Variants in TNFRSF10D observed in about 807,000 individuals in gnomAD.
TNFRSF10D encodes the protein tumor necrosis factor receptor superfamily member 10D.
In TNFRSF10D, 28 loss-of-function variants were observed where a neutral mutation model predicts 42.1. That is an observed-to-expected ratio of 0.66 (90% CI 0.49 to 0.91). The LOEUF (loss-of-function observed/expected upper bound fraction) is 0.91. TNFRSF10D is among the 40% of genes least tolerant of loss of function. TNFRSF10D has a pLI of 0.00. For synonymous variants in TNFRSF10D, 186 were observed against 189.4 expected, an observed-to-expected ratio of 0.98 and a Z score of 0.15; for missense variants, 503 against 486.1, an observed-to-expected ratio of 1.03 and a Z score of -0.33.
chr8:23,148,292 T>A (rs1196534008), intron 3 of TNFRSF10D, 146 bp downstream of exon 3: 2 of 356,068 alleles, frequency 5.6e-6, no homozygotes, highest in Non-Finnish European at 5.3e-6. Flanking sequence ...TTTTTTTTTT[T>A]AATCAACTAG....
chr8:23,144,363 G>GA lies in TNFRSF10D; in HGVS notation c.954+86dup, dbSNP rs1800078166. 4.1e-6 allele frequency: 6 copies of GA among 1,472,522 alleles called. No individual in the cohort carries two copies. In the East Asian group the frequency reaches 1.4e-4, roughly 34 times the overall value. The allele number at this position is 1,472,522 out of a possible 1,614,324, so 91.2% of individuals were successfully genotyped here. On this transcript the variant is annotated intron_variant, in intron 7 of 8. Transcript: ENST00000312584. ...AAGGCTCCATGTCCCCTTGGGCCAG[G>GA]AAAGAGGAGGCACTGCCATGTCCCA...
chr8:23,160,236 C>T (rs1291616465), intron 1 of TNFRSF10D, among the ~76,000 whole-genome samples: 2 of 152,178 alleles, frequency 1.3e-5, no homozygotes, highest in East Asian at 3.9e-4. Flanking sequence ...CAATAAAGAG[C>T]TCATTGTCTA....
intron 2 of TNFRSF10D, among the ~76,000 whole-genome samples, chr8:23,150,529 A>C (rs865845241): frequency 4.6e-5 from 7 of 152,260 alleles, no homozygotes; most frequent in South Asian, 2.1e-4. Flanking sequence ...CCAAAGAAAC[A>C]AAATGAAGCA....
Position 23,135,733 on chromosome 8 carries a change from T to A in TNFRSF10D, c.*2137A>T. ...CCAAAAAACCCCAACAATTTCATGTTGTCAGGAAGCTTATGTTAAAGGAAT... is the reference window on the plus strand; with the variant it reads ...CCAAAAAACCCCAACAATTTCATGTAGTCAGGAAGCTTATGTTAAAGGAAT... On this transcript the variant is annotated 3_prime_UTR_variant, in exon 9 of 9. Coordinates refer to ENST00000312584, the MANE Select transcript of TNFRSF10D (RefSeq NM_003840.5). 3.3e-6 allele frequency: 1 copy of A among 298,634 alleles called. No homozygotes were observed. The highest frequency in any genetic ancestry group is 6.7e-6 in the Non-Finnish European group (1 of 149,716). The allele number at this position is 298,634 out of a possible 1,614,324, so 18.5% of individuals were successfully genotyped here. A position where few individuals can be genotyped will look rare whatever the true frequency, so the allele number is the denominator to read the frequency against.
At chr8:23,152,784 T>C (rs1275992520) in intron 2 of TNFRSF10D, among the ~76,000 whole-genome samples, 924 of 152,232 alleles carry the variant, frequency 6.1e-3, no homozygotes, top group African/African-American at 0.019. Flanking sequence ...GCTTAATTGT[T>C]CATATGACCC....
intron 7 of TNFRSF10D, among the ~76,000 whole-genome samples, chr8:23,142,407 C>T (rs150808637): frequency 5.6e-3 from 849 of 152,018 alleles, no homozygotes; most frequent in African/African-American, 0.018. Context: ...CATAGGTTAC[C>T]ACACAGCCAT....
chr8:23,154,180 TAG>T (rs1341076501), intron 2 of TNFRSF10D, among the ~76,000 whole-genome samples: 1 of 151,898 alleles, frequency 6.6e-6, no homozygotes, highest in East Asian at 1.9e-4. Context: ...CTCATAGAGG[TAG>T]AGAGTAGAAT....
intron 3 of TNFRSF10D, 23 bp from the exon 4 acceptor site, chr8:23,147,095 T>G: frequency 6.3e-7 from 1 of 1,599,188 alleles, no homozygotes; most frequent in Non-Finnish European, 8.6e-7. Flanking sequence ...CATAAGGTTT[T>G]GAGAATGTGT....
rs566192450 is a variant in TNFRSF10D at position 23,158,330 on chromosome 8, C to T, written c.151-3351G>A. On this transcript the variant is annotated intron_variant, in intron 1 of 8. Transcript: ENST00000312584. ...AACGTAGGGTAACTCGGATCTCGTC[C>T]ACCGCTAACAAAATCAACTTCATGT... Among the ~76,000 whole-genome samples, 9 of 152,284 alleles carry T rather than the reference C, an allele frequency of 5.9e-5. No individual in the cohort carries two copies. The East Asian group carries it at 1.7e-3, about 29-fold the overall frequency.
In TNFRSF10D at chr8:23,154,987, G is replaced by A. The variant is rs1412481808; in HGVS notation, c.151-8C>T. The A allele has an allele frequency of 6.2e-7, 1 of 1,602,396 alleles. No homozygotes were observed. The highest frequency in any genetic ancestry group is 1.7e-5 in the Admixed American group (1 of 58,686). ...GGCAGAGTCAACCCGGACCTGTGGG[G>A]ACAAGGCAGAGATGGGCTTGAGTGG... is the stretch of plus-strand genomic sequence containing the variant. On this transcript the variant is annotated splice_region_variant and splice_polypyrimidine_tract_variant and intron_variant, in intron 1 of 8. Transcript: ENST00000312584.
chr8:23,146,322 C>T (rs191996195), intron 4 of TNFRSF10D, among the ~76,000 whole-genome samples: 941 of 152,278 alleles, frequency 6.2e-3, no homozygotes, highest in African/African-American at 0.019. Context: ...CTGTCTGCCG[C>T]TGGTTCCTCC....
intron 1 of TNFRSF10D, among the ~76,000 whole-genome samples, chr8:23,162,568 T>G (rs1800386279): frequency 6.6e-6 from 1 of 152,244 alleles, no homozygotes; most frequent in South Asian, 2.1e-4. Flanking sequence ...GAAACGTCAG[T>G]CACTCAGAAA....
chr8:23,154,974 C>A lies in TNFRSF10D; in HGVS notation c.156G>T (p.Arg52=), dbSNP rs1311945398. 1 of 1,609,168 alleles carries A rather than the reference C, an allele frequency of 6.2e-7. No homozygotes were observed. The highest frequency in any genetic ancestry group is 8.5e-7 in the Non-Finnish European group (1 of 1,178,114). The change falls in exon 2 of 9, where the codon CGG becomes CGT. Residue 52 remains arginine, a synonymous_variant. Transcript: ENST00000312584. ...VFIVAVLLPV[R]VDSATIPRQD... ...GCCGGGGGATGGTGGCAGAGTCAACCCGGACCTGTGGGGACAAGGCAGAGA... is the reference window on the plus strand; with the variant it reads ...GCCGGGGGATGGTGGCAGAGTCAACACGGACCTGTGGGGACAAGGCAGAGA...
chr8:23,143,263 A>ACG (rs1048622319), intron 7 of TNFRSF10D, among the ~76,000 whole-genome samples: 9 of 149,078 alleles, frequency 6.0e-5, no homozygotes, highest in Admixed American at 6.0e-4. Flanking sequence ...GGCATGAGCC[A>ACG]CGGCGCCCGG....
intron 2 of TNFRSF10D, among the ~76,000 whole-genome samples, chr8:23,153,256 T>C (rs1444648947): frequency 3.0e-3 from 456 of 151,362 alleles, no homozygotes; most frequent in African/African-American, 9.5e-3. Context: ...AGCCCTGAAA[T>C]TGTAAAACTA....
rs113164266 is a variant in TNFRSF10D, at chr8:23,137,628, C to T, written c.*242G>A. 4 of 462,594 alleles carry T rather than the reference C, an allele frequency of 8.6e-6. No homozygotes were observed. The highest frequency in any genetic ancestry group is 7.8e-5 in the African/African-American group (4 of 51,054). The allele number at this position is 462,594 out of a possible 1,614,324, so 28.7% of individuals were successfully genotyped here. ...CCTAAAACGACCCTTAATACACAAT[C>T]GTATAACTATGCAGCCAAGAATCTG... On this transcript the variant is annotated 3_prime_UTR_variant, in exon 9 of 9. Coordinates refer to ENST00000312584, the MANE Select transcript of TNFRSF10D (RefSeq NM_003840.5).
chr8:23,138,387 A>G (rs1814379672), intron 7 of TNFRSF10D, 127 bp from the exon 8 acceptor site: 1 of 917,402 alleles, frequency 1.1e-6, no homozygotes, highest in Admixed American at 2.1e-5. Context: ...AGATGGAGAC[A>G]AACCTCTGGT....
Position 23,145,111 on chromosome 8 carries a change from G to A in TNFRSF10D, c.737-22C>T, listed in dbSNP as rs867540675. 2.6e-5 allele frequency: 42 copies of A among 1,613,908 alleles called. 1 individual carries two copies. The Middle Eastern group carries it at 3.0e-3, about 114-fold the overall frequency. On this transcript the variant is annotated intron_variant, in intron 5 of 8. Transcript: ENST00000312584. ...CCACCTGGAAAAGAAGCAGTCTCCT[G>A]AGCAGGCGGGGAGGGGCCCATGCAG...
At chr8:23,139,031 G>C (rs1814396711) in intron 7 of TNFRSF10D, among the ~76,000 whole-genome samples, 1 of 151,640 alleles carries the variant, frequency 6.6e-6, no homozygotes, top group Admixed American at 6.6e-5. Flanking sequence ...AAGACTTTTG[G>C]AAGAGGGCAG....
Sources: gnomAD v4.1 joint callset for allele counts (sites outside exome capture counted in the v4.1 genomes callset) on GRCh38, gnomAD v4.1.1 for gene constraint, MANE v1.5 for transcripts, NCBI Gene and HGNC (gene_info 2026-07-23, HGNC 2026-07-21) for gene names.